Variants in NR1D1 observed in about 807,000 individuals in gnomAD.
NR1D1 encodes the protein Rev-ErbAalpha.
In NR1D1, 17 loss-of-function variants were observed where a neutral mutation model predicts 51.1. The ratio of observed to expected loss-of-function variants is 0.33; its 90% CI spans 0.23 to 0.50. The LOEUF (loss-of-function observed/expected upper bound fraction) is 0.50, where lower values mean the gene tolerates loss of function less well. NR1D1 is among the 20% of genes least tolerant of loss of function. The probability of loss-of-function intolerance (pLI) is 0.98; values close to 1 mark genes in which losing one functional copy is unlikely to be tolerated. For synonymous variants in NR1D1, 341 were observed against 333.4 expected, an observed-to-expected ratio of 1.02 and a Z score of -0.25; for missense variants, 647 against 830.4, an observed-to-expected ratio of 0.78 and a Z score of 2.71.
rs201110088 is a variant in NR1D1 at position 40,100,311 on chromosome 17, T to C, written c.-217A>G. 10 of 620,636 alleles carry C rather than the reference T, an allele frequency of 1.6e-5. No homozygotes were observed. Among genetic ancestry groups the C allele is most frequent in the East Asian group, 8.1e-5 (3 of 36,864 alleles). 38.4% of individuals were successfully genotyped at this position (620,636 alleles called of 1,614,324 possible). ...TGAGGCAACGGAGTTCTGCTTTGCA[T>C]GGGAAGAGCAGAGAGAGTGTGTAGG... is the stretch of plus-strand genomic sequence containing the variant. On this transcript the variant is annotated 5_prime_UTR_variant, in exon 1 of 8. An upstream start codon of the reference 5' UTR is lost. Transcript: ENST00000246672.
rs1987854043 is a variant in NR1D1, at chr17:40,100,364, A to G, written c.-270T>C. ...GAATCAGCCTGCAGTAGTTCTGGCTAGAAGGTAGCAAGGAGGGTCGGGTCT... is the reference window on the plus strand; with the variant it reads ...GAATCAGCCTGCAGTAGTTCTGGCTGGAAGGTAGCAAGGAGGGTCGGGTCT... On this transcript the variant is annotated 5_prime_UTR_variant, in exon 1 of 8. Transcript: ENST00000246672. 2 of 589,584 alleles carry G rather than the reference A, an allele frequency of 3.4e-6. No homozygotes were observed. The highest frequency in any genetic ancestry group is 6.0e-6 in the Non-Finnish European group (2 of 330,668). The allele number at this position is 589,584 out of a possible 1,614,324, so 36.5% of individuals were successfully genotyped here.
At chr17:40,094,883 C>G (rs376184901) in intron 6 of NR1D1, 52 bp downstream of exon 6, 2 of 1,579,140 alleles carry the variant, frequency 1.3e-6, no homozygotes, top group Non-Finnish European at 1.7e-6. Context: ...GGGCGACAAG[C>G]GAAACTCTGT....
intron 2 of NR1D1, 57 bp from the exon 3 acceptor site, chr17:40,096,836 T>C: frequency 6.5e-7 from 1 of 1,542,430 alleles, no homozygotes; most frequent in Non-Finnish European, 9.0e-7. Context: ...TGGCCACAGG[T>C]GTGGAGGCTT....
rs758537759 is a variant in NR1D1 at position 40,096,744 on chromosome 17, CACACACTTT to C, written c.397_405del (p.Lys133_Cys135del). On this transcript the variant is annotated inframe_deletion, in exon 3 of 8. Coordinates refer to ENST00000246672, the MANE Select transcript of NR1D1 (RefSeq NM_021724.5). ...TAGTGGAAGCCCGAGGCAACGTCCC[CACACACTTT>C]ACACAGTAACACCATGCCATTCAGC... 8 of 1,614,088 alleles carry C rather than the reference CACACACTTT, an allele frequency of 5.0e-6. No homozygotes were observed. The Admixed American group carries it at 1.3e-4, about 27-fold the overall frequency.
Position 40,093,195 on chromosome 17 carries a change from C to T in NR1D1, c.1733G>A (p.Arg578Gln), listed in dbSNP as rs772307192. The T allele has an allele frequency of 3.7e-6, 6 of 1,613,792 alleles. No individual in the cohort carries two copies. Among genetic ancestry groups the T allele is most frequent in the Middle Eastern group, 1.6e-4 (1 of 6,062 alleles). Residue 578 changes from arginine (R) to glutamine (Q), a missense_variant, in exon 8 of 8, where the codon CGG becomes CAG. Physicochemically the swap from Arg to Gln is conservative, Grantham distance 43 (BLOSUM62 1). This residue lies in a region of NR1D1 where 155 missense variants were observed against 236.8 expected (regional missense o/e 0.65). Transcript: ENST00000246672. The surrounding 1 kb of genome is among the most constrained non-coding windows in gnomAD (Gnocchi z 5.9). ...GGTGAAGCGGGAAGTCTCCAAGGGC[C>T]GGTTCTTCAGCACCAGAGCCCGAAG... The part of the protein sequence containing the change: ...RALRALVLKN[R>Q]PLETSRFTKL...
chr17:40,093,101 G>C lies in NR1D1; in HGVS notation c.1827C>G (p.Phe609Leu). ...NNMHSEKLLS[F>L]RVDAQ is the part of the protein sequence containing the mutation. ...GGGCGGGTCACTGGGCGTCCACCCG[G>C]AAGGACAGCAGCTTCTCGGAATGCA... Residue 609 changes from phenylalanine (F) to leucine (L), a missense_variant, in exon 8 of 8, where the codon TTC becomes TTG. By Grantham distance (22) the Phe-to-Leu change is conservative. Around this residue, in one of 7 missense-constraint regions of NR1D1, gnomAD observed 155 missense variants for 236.8 expected, o/e 0.65. Coordinates refer to ENST00000246672, the MANE Select transcript of NR1D1 (RefSeq NM_021724.5). The surrounding 1 kb of genome is among the most constrained non-coding windows in gnomAD (Gnocchi z 5.9). 1 of 1,614,128 alleles carries C rather than the reference G, an allele frequency of 6.2e-7. No individual in the cohort carries two copies. The highest frequency in any genetic ancestry group is 8.5e-7 in the Non-Finnish European group (1 of 1,180,038).
Position 40,097,342 on chromosome 17 carries a change from G to A in NR1D1, c.93C>T (p.Ser31=), listed in dbSNP as rs760478400. The A allele has an allele frequency of 1.9e-6, 3 of 1,613,858 alleles. No individual in the cohort carries two copies. Among genetic ancestry groups the A allele is most frequent in the South Asian group, 1.1e-5 (1 of 91,072 alleles). ...GSSPSRTSPE[S]LYSDNSNGSF... is the part of the protein sequence containing the mutation. Reference sequence around the variant, plus strand: ...TGCCATTGGAGTTGTCACTATAGAGGGATTCAGGGCTGGTGCGGCTTGGGG... The same window carrying A: ...TGCCATTGGAGTTGTCACTATAGAGAGATTCAGGGCTGGTGCGGCTTGGGG... Residue 31 remains serine, a synonymous_variant, in exon 2 of 8, where the codon TCC becomes TCT. Coordinates refer to ENST00000246672, the MANE Select transcript of NR1D1 (RefSeq NM_021724.5).
Position 40,096,818 on chromosome 17 carries a change from A to G in NR1D1, c.371-39T>C, listed in dbSNP as rs771369367. 6 of 1,596,064 alleles carry G rather than the reference A, an allele frequency of 3.8e-6. No homozygotes were observed. The African/African-American group carries it at 8.0e-5, about 21-fold the overall frequency. ...GGGCAGCAGGTGAGCAGGAGAGGCC[A>G]GGCTGAGTGGCCACAGGTGTGGAGG... On this transcript the variant is annotated intron_variant, in intron 2 of 7. Coordinates refer to ENST00000246672, the MANE Select transcript of NR1D1 (RefSeq NM_021724.5).
intron 1 of NR1D1, among the ~76,000 whole-genome samples, chr17:40,099,141 TCCACGTGTGCCTCTCG>T (rs1987824218): frequency 6.6e-6 from 1 of 152,006 alleles, no homozygotes; most frequent in South Asian, 2.1e-4. Flanking sequence ...ACGTCCCTGC[TCCACGTGTGCCTCTCG>T]CACGTGGCTC....
In NR1D1 at chr17:40,097,173, A is replaced by G. The variant is rs752763959; in HGVS notation, c.262T>C (p.Ser88Pro). The G allele has an allele frequency of 6.8e-6, 11 of 1,611,832 alleles. No individual in the cohort carries two copies. Among genetic ancestry groups the G allele is most frequent in the Non-Finnish European group, 9.3e-6 (11 of 1,178,660 alleles). Reference sequence around the variant, plus strand: ...TTATAGAAGGAGGAGGAGGATGACGACGAGGAAGATGAGGAAGAAGGGGAG... The same window carrying G: ...TTATAGAAGGAGGAGGAGGATGACGGCGAGGAAGATGAGGAAGAAGGGGAG... ...DGSPSSSSSSSSSSSSFYNGS... is the reference protein window; with the variant it reads ...DGSPSSSSSSPSSSSSFYNGS... The change falls in exon 2 of 8, where the codon TCG becomes CCG. Residue 88 changes from serine (S) to proline (P), a missense_variant. By Grantham distance (74) the Ser-to-Pro change is moderately conservative. Transcript: ENST00000246672.
At chr17:40,096,644 G>A in intron 3 of NR1D1, 47 bp downstream of exon 3, 1 of 1,613,760 alleles carries the variant, frequency 6.2e-7, no homozygotes. Context: ...TCTGTGTCCA[G>A]GGGGAGGGGG....
intron 1 of NR1D1, among the ~76,000 whole-genome samples, chr17:40,098,392 A>C (rs1273087043): frequency 6.6e-6 from 1 of 152,134 alleles, no homozygotes; most frequent in African/African-American, 2.4e-5. Flanking sequence ...GGCGGCCCTA[A>C]AATAGCTCAA....
Position 40,095,986 on chromosome 17 carries a change from G to A in NR1D1, c.706C>T (p.Pro236Ser). The A allele has an allele frequency of 1.2e-6, 2 of 1,612,646 alleles. No homozygotes were observed. The highest frequency in any genetic ancestry group is 1.7e-6 in the Non-Finnish European group (2 of 1,179,970). ...TGCTGGGTGGGTGAAGTCTCCAGCG[G>A]GCACTGGCTGCTCAACTGGTTGTTG... Reference protein sequence around the residue: ...LANNQLSSQCPLETSPTQHPT... With the variant: ...LANNQLSSQCSLETSPTQHPT... The change falls in exon 5 of 8, where the codon CCG becomes TCG. Residue 236 changes from proline to serine, a missense_variant. Around this residue, in one of 7 missense-constraint regions of NR1D1, gnomAD observed 48 missense variants for 42.9 expected, o/e 1.12. Transcript: ENST00000246672.
In NR1D1 at chr17:40,092,873, T is replaced by G; in HGVS notation, c.*210A>C. On this transcript the variant is annotated 3_prime_UTR_variant, in exon 8 of 8. Transcript: ENST00000246672. ...GAGGGTTGTGGGGGAGACAGAGTGG[T>G]TTAAATAGGGGAGGAGGGGAAGTTC... The G allele has an allele frequency of 1.7e-6, 2 of 1,186,120 alleles. No homozygotes were observed. Among genetic ancestry groups the G allele is most frequent in the African/African-American group, 1.6e-5 (1 of 64,364 alleles). 73.5% of individuals were successfully genotyped at this position (1,186,120 alleles called of 1,614,324 possible). A position where few individuals can be genotyped will look rare whatever the true frequency, so the allele number is the denominator to read the frequency against.
In NR1D1 at chr17:40,095,086, C is replaced by G; in HGVS notation, c.1283G>C (p.Ser428Thr). The G allele has an allele frequency of 6.2e-7, 1 of 1,613,992 alleles. No individual in the cohort carries two copies. The highest frequency in any genetic ancestry group is 2.2e-5 in the East Asian group (1 of 44,886). ...CCAGATCTCCTGCACCGTTCGCCCA[C>G]TGCGTCCATGCGGGTACATGTTCAT... ...CPMNMYPHGR[S>T]GRTVQEIWED... is the part of the protein sequence containing the mutation. Residue 428 changes from serine (S) to threonine (T), a missense_variant, in exon 6 of 8, where the codon AGT becomes ACT. Ser to Thr is a moderately conservative substitution (Grantham distance 58, BLOSUM62 1). This residue lies in a region of NR1D1 where 185 missense variants were observed against 176.3 expected (regional missense o/e 1.05). Coordinates refer to ENST00000246672, the MANE Select transcript of NR1D1 (RefSeq NM_021724.5).
At chr17:40,095,268 C>A in intron 5 of NR1D1, 148 bp from the exon 6 acceptor site, 1 of 1,136,466 alleles carries the variant, frequency 8.8e-7, no homozygotes, top group Non-Finnish European at 1.2e-6. Flanking sequence ...AATTAGGTGC[C>A]AGGTGGAGAT....
intron 1 of NR1D1, among the ~76,000 whole-genome samples, chr17:40,098,822 A>C (rs1344033632): frequency 6.6e-6 from 1 of 152,110 alleles, no homozygotes; most frequent in African/African-American, 2.4e-5. Flanking sequence ...AAGGAGAGAG[A>C]AGCTTGGGGA....
In NR1D1 at chr17:40,095,713, T is replaced by C. The variant is rs1987744966; in HGVS notation, c.979A>G (p.Thr327Ala). 6.2e-7 allele frequency: 1 copy of C among 1,613,070 alleles called. No homozygotes were observed. The highest frequency in any genetic ancestry group is 1.3e-5 in the African/African-American group (1 of 74,824). ...CCCTGATTTTCCCAGCGATGTGGGG[T>C]GGTGGCTGGAGGGCTACCTGATGCA... ...NHASGSPPAT[T>A]PHRWENQGCP... The change falls in exon 5 of 8, where the codon ACC becomes GCC. Residue 327 changes from threonine to alanine, a missense_variant. Thr to Ala is a moderately conservative substitution (Grantham distance 58, BLOSUM62 0). Coordinates refer to ENST00000246672, the MANE Select transcript of NR1D1 (RefSeq NM_021724.5).
At position 40,100,384 on chromosome 17, in the gene NR1D1, G is replaced by T; in HGVS notation, c.-290C>A. ...TGGCTAGAAGGTAGCAAGGAGGGTC[G>T]GGTCTCTGCAGTGTACGGGGTGCCT... is the stretch of plus-strand genomic sequence containing the variant. On this transcript the variant is annotated 5_prime_UTR_variant, in exon 1 of 8. Coordinates refer to ENST00000246672, the MANE Select transcript of NR1D1 (RefSeq NM_021724.5). The T allele has an allele frequency of 1.7e-6, 1 of 580,060 alleles. No individual in the cohort carries two copies. Among genetic ancestry groups the T allele is most frequent in the South Asian group, 2.1e-5 (1 of 47,732 alleles). 35.9% of individuals were successfully genotyped at this position (580,060 alleles called of 1,614,324 possible). A position where few individuals can be genotyped will look rare whatever the true frequency, so the allele number is the denominator to read the frequency against.
Sources: allele counts gnomAD v4.1 joint callset (sites outside exome capture counted in the v4.1 genomes callset), GRCh38; gene constraint gnomAD v4.1.1; regional missense constraint gnomAD v4.1.1; non-coding constraint Gnocchi (gnomAD v3.1); transcripts MANE v1.5; gene names NCBI Gene and HGNC (gene_info 2026-07-23, HGNC 2026-07-21).